Variants in GUCY1A2 observed in about 807,000 individuals in gnomAD.
GUCY1A2 encodes guanylate cyclase soluble subunit alpha-2.
In GUCY1A2, 27 loss-of-function variants were observed where a neutral mutation model predicts 63.5. The observed-to-expected ratio is 0.43, with a 90% CI of 0.31 to 0.59. GUCY1A2 has a LOEUF of 0.59. Ranked by LOEUF, GUCY1A2 falls within the 20% of genes least tolerant of loss-of-function variation. The pLI, the probability that GUCY1A2 is intolerant of heterozygous loss-of-function variation, is 0.11. For synonymous variants in GUCY1A2, 364 were observed against 343.5 expected (o/e 1.06, Z -0.66); for missense variants, 768 against 913.3 (o/e 0.84, Z 2.05).
chr11:106,900,575 G>A (rs954538774), intron 4 of GUCY1A2, among the ~76,000 whole-genome samples: 11 of 152,132 alleles, frequency 7.2e-5, no homozygotes, highest in East Asian at 1.9e-4. Flanking sequence ...AATAAGACTC[G>A]TGTGTTTCTA....
chr11:106,979,222 C>A (rs1364933185), intron 2 of GUCY1A2, among the ~76,000 whole-genome samples: 1 of 151,998 alleles, frequency 6.6e-6, no homozygotes, highest in East Asian at 1.9e-4. Flanking sequence ...TTGGGAGGCC[C>A]AGGCGGGCAG....
At chr11:106,987,090 C>G (rs1861411358) in intron 1 of GUCY1A2, among the ~76,000 whole-genome samples, 1 of 152,040 alleles carries the variant, frequency 6.6e-6, no homozygotes, top group Non-Finnish European at 1.5e-5. Context: ...TTTTAAATAA[C>G]AAAAACCTGT....
intron 7 of GUCY1A2, among the ~76,000 whole-genome samples, chr11:106,688,046 G>T (rs1253828945): frequency 6.6e-6 from 1 of 152,116 alleles, no homozygotes; most frequent in Non-Finnish European, 1.5e-5. Context: ...GAAAATATTT[G>T]TTCAAATGTT....
At chr11:106,923,416 T>C (rs1350516691) in intron 4 of GUCY1A2, among the ~76,000 whole-genome samples, 1 of 152,160 alleles carries the variant, frequency 6.6e-6, no homozygotes. Context: ...AAACTCTACA[T>C]GTCTGACTGA....
At chr11:106,969,999 T>C (rs1428831512) in intron 3 of GUCY1A2, among the ~76,000 whole-genome samples, 1 of 152,166 alleles carries the variant, frequency 6.6e-6, no homozygotes, top group Non-Finnish European at 1.5e-5. Context: ...ATACTATCTT[T>C]GAGAAAACAA....
chr11:106,826,532 G>A (rs750036468), intron 4 of GUCY1A2: 10 of 1,602,390 alleles, frequency 6.2e-6, no homozygotes, highest in South Asian at 2.2e-5. Flanking sequence ...CCCATCATTC[G>A]TCCATTTTGC....
At chr11:106,899,087 A>G (rs1288984156) in intron 4 of GUCY1A2, among the ~76,000 whole-genome samples, 4 of 152,224 alleles carry the variant, frequency 2.6e-5, no homozygotes, top group Admixed American at 1.3e-4. Flanking sequence ...TATGTAAATT[A>G]TACCTTTAAA....
At chr11:107,012,235 C>T (rs764149638) in intron 1 of GUCY1A2, among the ~76,000 whole-genome samples, 7 of 146,420 alleles carry the variant, frequency 4.8e-5, no homozygotes, top group South Asian at 2.2e-4. Flanking sequence ...TGGGCTATGC[C>T]GACAAAATAC....
At chr11:107,007,711 A>G (rs1463478499) in intron 1 of GUCY1A2, among the ~76,000 whole-genome samples, 1 of 152,146 alleles carries the variant, frequency 6.6e-6, no homozygotes, top group Non-Finnish European at 1.5e-5. Context: ...ACTTTTTTCA[A>G]GGACACTATC....
chr11:106,789,963 A>T (rs1229880912), intron 5 of GUCY1A2, among the ~76,000 whole-genome samples: 1 of 152,070 alleles, frequency 6.6e-6, no homozygotes, highest in Non-Finnish European at 1.5e-5. Context: ...TAAAGCCAGT[A>T]CAACACTGGG....
chr11:106,984,871 C>A (rs998158505), intron 2 of GUCY1A2, among the ~76,000 whole-genome samples: 6 of 152,076 alleles, frequency 3.9e-5, no homozygotes, highest in Non-Finnish European at 5.9e-5. Flanking sequence ...CACTAATGGC[C>A]TCAAACTAAA....
intron 7 of GUCY1A2, among the ~76,000 whole-genome samples, chr11:106,695,850 G>T (rs962859278): frequency 6.6e-6 from 1 of 152,180 alleles, no homozygotes; most frequent in Admixed American, 6.5e-5. Flanking sequence ...ACTTGTAGAT[G>T]TTGAGGTAAT....
chr11:106,765,373 G>A (rs1334214725), intron 6 of GUCY1A2, among the ~76,000 whole-genome samples: 1 of 152,080 alleles, frequency 6.6e-6, no homozygotes, highest in Non-Finnish European at 1.5e-5. Context: ...AGAGTATTGA[G>A]AGAAAACTGA....
chr11:106,769,968 C>A (rs2135397974), intron 6 of GUCY1A2, among the ~76,000 whole-genome samples: 1 of 151,914 alleles, frequency 6.6e-6, no homozygotes, highest in African/African-American at 2.4e-5. Flanking sequence ...ACAGTCGACC[C>A]TGTGTATCCA....
intron 3 of GUCY1A2, among the ~76,000 whole-genome samples, chr11:106,959,837 A>T (rs887634417): frequency 2.0e-5 from 3 of 152,202 alleles, no homozygotes; most frequent in Non-Finnish European, 4.4e-5. Flanking sequence ...ACATGTACTT[A>T]CTACCTTTCA....
intron 6 of GUCY1A2, among the ~76,000 whole-genome samples, chr11:106,720,023 A>C (rs923055720): frequency 2.6e-5 from 4 of 152,212 alleles, no homozygotes; most frequent in Non-Finnish European, 5.9e-5. Context: ...CTCCCAGGAC[A>C]CTGAAGTTAT....
intron 1 of GUCY1A2, among the ~76,000 whole-genome samples, chr11:107,001,707 C>T (rs1861615203): frequency 6.6e-6 from 1 of 151,918 alleles, no homozygotes; most frequent in Non-Finnish European, 1.5e-5. Context: ...TACATTCACT[C>T]TAAATTTACT....
chr11:106,844,169 A>C (rs947505079), intron 4 of GUCY1A2, among the ~76,000 whole-genome samples: 1 of 151,854 alleles, frequency 6.6e-6, no homozygotes, highest in Non-Finnish European at 1.5e-5. Context: ...ATCTGTGGAC[A>C]TAAGTATTTT....
chr11:106,830,702 G>T (rs1421704886), intron 4 of GUCY1A2, among the ~76,000 whole-genome samples: 1 of 152,260 alleles, frequency 6.6e-6, no homozygotes, highest in African/African-American at 2.4e-5. Flanking sequence ...TCCTAATGTG[G>T]AACCTCACCT....
Sources: allele counts gnomAD v4.1 joint callset (sites outside exome capture counted in the v4.1 genomes callset), GRCh38; gene constraint gnomAD v4.1.1; transcripts MANE v1.5; gene names NCBI Gene and HGNC (gene_info 2026-07-23, HGNC 2026-07-21).